The following PTK2 variants were observed in gnomAD, a reference collection of about 807,000 sequenced individuals.
PTK2 encodes focal adhesion kinase 1.
In PTK2, 45 loss-of-function variants were observed where a neutral mutation model predicts 150.1. The observed-to-expected ratio is 0.30, with a 90% CI of 0.24 to 0.38. The LOEUF is 0.38. Ranked by LOEUF, PTK2 falls within the 10% of genes least tolerant of loss-of-function variation. The probability of loss-of-function intolerance (pLI) is 1.00; values close to 1 mark genes in which losing one functional copy is unlikely to be tolerated. For synonymous variants in PTK2, 432 were observed against 449.2 expected, an observed-to-expected ratio of 0.96 and a Z score of 0.48; for missense variants, 919 against 1,307.3, an observed-to-expected ratio of 0.70 and a Z score of 4.58.
chr8:140,697,456 T>C (rs554400605), intron 26 of PTK2, among the ~76,000 whole-genome samples: 118 of 141,612 alleles, frequency 8.3e-4, no homozygotes, highest in African/African-American at 3.1e-3. Flanking sequence ...GTGTGTGTGT[T>C]TTTAAACGGA....
chr8:140,747,008 A>G, intron 17 of PTK2, 148 bp from the exon 21 acceptor site: 4 of 566,582 alleles, frequency 7.1e-6, no homozygotes, highest in Non-Finnish European at 1.2e-5. Flanking sequence ...CTCCTGCCTC[A>G]GCCTCCCGAG....
At chr8:140,748,892 C>T (rs903199184) in intron 17 of PTK2, among the ~76,000 whole-genome samples, 5 of 152,136 alleles carry the variant, frequency 3.3e-5, no homozygotes, top group Non-Finnish European at 7.3e-5. Flanking sequence ...TCCAAAAACA[C>T]CTGATTTCAC....
At position 140,750,998 on chromosome 8, in the gene PTK2, C is replaced by T. The variant is rs921557917; in HGVS notation, c.1417+1234G>A. Among the ~76,000 whole-genome samples, 10 of 152,076 alleles carry T rather than the reference C, an allele frequency of 6.6e-5. No individual in the cohort carries two copies. The South Asian group carries it at 1.7e-3, about 25-fold the overall frequency. ...GATGTGGTGGCGCCCATCTGTAGTA[C>T]CAGGTATTTGCAGCCCCGAGATGGG... On this transcript the variant is annotated intron_variant, in intron 17 of 31. Transcript: ENST00000522684.
chr8:140,972,847 T>C (rs539253128), intron 1 of PTK2, among the ~76,000 whole-genome samples: 1 of 127,678 alleles, frequency 7.8e-6, no homozygotes, highest in African/African-American at 2.7e-5. Flanking sequence ...TTTACATTTA[T>C]TGCTGACAAA....
intron 7 of PTK2, among the ~76,000 whole-genome samples, chr8:140,838,942 C>G (rs1023317013): frequency 1.1e-4 from 16 of 150,866 alleles, no homozygotes; most frequent in South Asian, 2.1e-4. Flanking sequence ...GGAGGCGGAG[C>G]TTGCAGTGAG....
chr8:140,932,584 G>A (rs182351740), intron 1 of PTK2, among the ~76,000 whole-genome samples: 117 of 152,242 alleles, frequency 7.7e-4, no homozygotes, highest in South Asian at 6.2e-4. Flanking sequence ...TAATTACAAT[G>A]TAATTTTTAC....
chr8:140,737,799 T>C (rs778494254), intron 21 of PTK2, among the ~76,000 whole-genome samples: 108 of 152,344 alleles, frequency 7.1e-4, no homozygotes, highest in Middle Eastern at 3.4e-3. Flanking sequence ...TTAGAAGTTT[T>C]GAAACATGAA....
At chr8:140,879,578 G>A (rs1363903194) in exon 4 of PTK2, 3 of 1,544,830 alleles carry the variant, frequency 1.9e-6, no homozygotes, top group Admixed American at 3.6e-5. Context: ...GACTGAGGCG[G>A]AATCCATAGC....
At chr8:140,985,028 T>A (rs1275928508) in intron 1 of PTK2, among the ~76,000 whole-genome samples, 1 of 151,986 alleles carries the variant, frequency 6.6e-6, no homozygotes, top group Non-Finnish European at 1.5e-5. Context: ...GAATGAGAGA[T>A]CCCAACACAA....
chr8:140,768,217 C>T (rs1201126172), intron 14 of PTK2, among the ~76,000 whole-genome samples: 3 of 151,898 alleles, frequency 2.0e-5, no homozygotes, highest in African/African-American at 2.4e-5. Flanking sequence ...AGGCAAGAAA[C>T]GGTAGCATAC....
intron 1 of PTK2, among the ~76,000 whole-genome samples, chr8:140,936,574 A>T (rs2100173712): frequency 6.6e-6 from 1 of 152,162 alleles, no homozygotes; most frequent in African/African-American, 2.4e-5. Context: ...CCTAAAAAAA[A>T]AAAAGATCAG....
intron 23 of PTK2, 82 bp from the exon 27 acceptor site, chr8:140,706,287 C>T (rs1471706668): frequency 1.0e-6 from 1 of 983,256 alleles, no homozygotes; most frequent in African/African-American, 1.6e-5. Flanking sequence ...AAGACATTTT[C>T]CTAATAGAGC....
chr8:140,964,370 G>T (rs1374269578), intron 1 of PTK2, among the ~76,000 whole-genome samples: 1 of 151,278 alleles, frequency 6.6e-6, no homozygotes, highest in East Asian at 1.9e-4. Context: ...ACCATCACGC[G>T]CCAGCTAATT....
chr8:140,853,438 G>A (rs1282628399), intron 5 of PTK2, among the ~76,000 whole-genome samples: 1 of 148,750 alleles, frequency 6.7e-6, no homozygotes, highest in African/African-American at 2.5e-5. Flanking sequence ...AGAACATGTG[G>A]TGTTTGGTTT....
At chr8:140,966,923 TG>T (rs2100185520) in intron 1 of PTK2, among the ~76,000 whole-genome samples, 1 of 152,226 alleles carries the variant, frequency 6.6e-6, no homozygotes, top group African/African-American at 2.4e-5. Context: ...TTCACCACCT[TG>T]CTTTCAATGT....
intron 4 of PTK2, among the ~76,000 whole-genome samples, chr8:140,871,191 A>C (rs1315341308): frequency 6.6e-6 from 1 of 152,270 alleles, no homozygotes; most frequent in Non-Finnish European, 1.5e-5. Flanking sequence ...TGCACTGCTC[A>C]TAAAAAATCT....
intron 1 of PTK2, among the ~76,000 whole-genome samples, chr8:140,991,388 C>T (rs536805502): frequency 6.6e-6 from 1 of 152,302 alleles, no homozygotes; most frequent in Non-Finnish European, 1.5e-5. Flanking sequence ...AGGAGCCATA[C>T]AAACTGCTAT....
intron 22 of PTK2, among the ~76,000 whole-genome samples, chr8:140,726,362 T>C (rs1477082489): frequency 6.6e-6 from 1 of 152,140 alleles, no homozygotes; most frequent in Non-Finnish European, 1.5e-5. Context: ...AACAATGATC[T>C]AAGTTTTTCT....
At chr8:140,979,398 CAATT>C (rs2100190553) in intron 1 of PTK2, among the ~76,000 whole-genome samples, 1 of 140,348 alleles carries the variant, frequency 7.1e-6, no homozygotes. Flanking sequence ...AGCTACAAGT[CAATT>C]AAAAAAAAAA....
Sources: allele counts gnomAD v4.1 joint callset (sites outside exome capture counted in the v4.1 genomes callset), GRCh38; gene constraint gnomAD v4.1.1; transcripts MANE v1.5; gene names NCBI Gene and HGNC (gene_info 2026-07-23, HGNC 2026-07-21).